The following PDLIM5 variants were observed in gnomAD, a reference collection of about 807,000 sequenced individuals.
PDLIM5 encodes PDZ and LIM domain 5, also known as PDZ and LIM domain protein 5.
In PDLIM5, 34 loss-of-function variants were observed where a neutral mutation model predicts 64.2. The ratio of observed to expected loss-of-function variants is 0.53; its 90% CI spans 0.40 to 0.71. The LOEUF is 0.71. PDLIM5 is among the 30% of genes least tolerant of loss of function. The pLI is 0.00. For missense variants in PDLIM5, 683 were observed against 733.6 expected, an observed-to-expected ratio of 0.93 and a Z score of 0.80; for synonymous variants, 253 against 269.1, an observed-to-expected ratio of 0.94 and a Z score of 0.59.
intron 3 of PDLIM5, among the ~76,000 whole-genome samples, chr4:94,568,634 T>C (rs1352234352): frequency 1.3e-5 from 2 of 150,168 alleles, no homozygotes; most frequent in Admixed American, 1.3e-4. Context: ...AATGGGCAAA[T>C]AATTTTTTTC....
intron 2 of PDLIM5, among the ~76,000 whole-genome samples, chr4:94,475,890 A>G (rs76152737): frequency 2.9e-4 from 44 of 152,286 alleles, no homozygotes; most frequent in Non-Finnish European, 5.9e-4. Flanking sequence ...CATAGCCTCT[A>G]TATTTCAAGA....
At chr4:94,653,204 A>G (rs1386970759) in intron 9 of PDLIM5, among the ~76,000 whole-genome samples, 1 of 152,052 alleles carries the variant, frequency 6.6e-6, no homozygotes, top group Non-Finnish European at 1.5e-5. Context: ...CAGGAAATTC[A>G]ACTTCTGGCC....
chr4:94,640,025 C>T (rs963364968), intron 8 of PDLIM5, among the ~76,000 whole-genome samples: 6 of 148,782 alleles, frequency 4.0e-5, no homozygotes, highest in African/African-American at 1.5e-4. Flanking sequence ...GAAACTCTGT[C>T]TTAAAAAAAA....
In PDLIM5 at chr4:94,455,286, A is replaced by G; in HGVS notation, c.-3A>G. 1 of 1,593,476 alleles carries G rather than the reference A, an allele frequency of 6.3e-7. No homozygotes were observed. Among genetic ancestry groups the G allele is most frequent in the East Asian group, 2.2e-5 (1 of 44,782 alleles). ...TGTCATTGGACTTTGAGCCATTAGA[A>G]CCATGAGCAACTACAGTGTGTCACT... On this transcript the variant is annotated 5_prime_UTR_variant, in exon 2 of 13. Coordinates refer to ENST00000317968, the MANE Select transcript of PDLIM5 (RefSeq NM_006457.5).
At chr4:94,485,420 T>G (rs954755108) in intron 2 of PDLIM5, among the ~76,000 whole-genome samples, 41 of 152,218 alleles carry the variant, frequency 2.7e-4, no homozygotes, top group African/African-American at 9.9e-4. Context: ...GCAATATGAT[T>G]AGTCTATAAA....
At chr4:94,461,896 A>T (rs138505587) in intron 2 of PDLIM5, among the ~76,000 whole-genome samples, 1 of 152,200 alleles carries the variant, frequency 6.6e-6, no homozygotes, top group Non-Finnish European at 1.5e-5. Context: ...AAAAGGCTGC[A>T]GCGTGTCACC....
At chr4:94,573,997 C>T (rs920069903) in intron 4 of PDLIM5, among the ~76,000 whole-genome samples, 2 of 152,168 alleles carry the variant, frequency 1.3e-5, no homozygotes, top group Non-Finnish European at 2.9e-5. Flanking sequence ...TGAACACTGA[C>T]ATGCTCACAT....
At chr4:94,456,449 C>T (rs1290711859) in intron 2 of PDLIM5, 20 of 698,132 alleles carry the variant, frequency 2.9e-5, no homozygotes, top group African/African-American at 1.2e-4. Context: ...CTGCCCACCT[C>T]GGCCTCCCAA....
chr4:94,530,738 C>T (rs1443078187), intron 3 of PDLIM5, among the ~76,000 whole-genome samples: 1 of 152,022 alleles, frequency 6.6e-6, no homozygotes, highest in African/African-American at 2.4e-5. Context: ...TCTTCTTCAT[C>T]CTTCAAACAA....
At chr4:94,455,645 A>T (rs1272547055) in intron 2 of PDLIM5, 1 of 725,380 alleles carries the variant, frequency 1.4e-6, no homozygotes. Context: ...AACAGACTGT[A>T]CATTTTTGAA....
chr4:94,661,807 G>C (rs1046748264), intron 11 of PDLIM5, among the ~76,000 whole-genome samples: 3 of 151,658 alleles, frequency 2.0e-5, no homozygotes, highest in Admixed American at 2.0e-4. Flanking sequence ...ACTGATAACT[G>C]GTCACAGAAC....
At chr4:94,613,293 C>T (rs1019528880) in intron 7 of PDLIM5, among the ~76,000 whole-genome samples, 2 of 152,082 alleles carry the variant, frequency 1.3e-5, no homozygotes, top group Non-Finnish European at 2.9e-5. Flanking sequence ...AAAATTTAAA[C>T]ATGTAATTAG....
At chr4:94,472,576 T>C (rs114892690) in intron 2 of PDLIM5, among the ~76,000 whole-genome samples, 134 of 152,306 alleles carry the variant, frequency 8.8e-4, no homozygotes, top group African/African-American at 3.1e-3. Flanking sequence ...GTACTATTGC[T>C]TTCTAGGTGT....
intron 2 of PDLIM5, among the ~76,000 whole-genome samples, chr4:94,485,266 A>G (rs1726210264): frequency 2.0e-5 from 3 of 152,154 alleles, no homozygotes; most frequent in African/African-American, 2.4e-5. Flanking sequence ...AAATTCTTCT[A>G]TCCTGTTCAC....
chr4:94,610,108 C>G (rs962907849), intron 7 of PDLIM5: 26 of 1,051,430 alleles, frequency 2.5e-5, no homozygotes, highest in Non-Finnish European at 3.4e-5. Context: ...TTATGCTACC[C>G]TTTCTCACTT....
chr4:94,491,293 A>G (rs1726849559), intron 2 of PDLIM5, among the ~76,000 whole-genome samples: 1 of 152,184 alleles, frequency 6.6e-6, no homozygotes, highest in South Asian at 2.1e-4. Context: ...TGATTAAATC[A>G]TTTCTTTCCA....
intron 7 of PDLIM5, among the ~76,000 whole-genome samples, chr4:94,614,822 G>C (rs1350506775): frequency 1.3e-5 from 2 of 152,118 alleles, no homozygotes; most frequent in African/African-American, 4.8e-5. Context: ...TTATTCTGTG[G>C]GAACTTTAAG....
In PDLIM5 at chr4:94,485,689, C is replaced by A. The variant is rs546518285; in HGVS notation, c.96+30305C>A. ...TCTACTAAAAATACAAAAAAAAAAA[C>A]CCCAAAAACCACTAGCCGGGCGTGG... On this transcript the variant is annotated intron_variant, in intron 2 of 12. Transcript: ENST00000317968. Among the ~76,000 whole-genome samples, 164 of 149,016 alleles carry A rather than the reference C, an allele frequency of 1.1e-3. 1 individual carries two copies. Among genetic ancestry groups the A allele is most frequent in the Middle Eastern group, 6.8e-3 (2 of 292 alleles).
intron 3 of PDLIM5, among the ~76,000 whole-genome samples, chr4:94,551,600 C>T (rs1003925975): frequency 2.2e-4 from 33 of 152,060 alleles, no homozygotes; most frequent in Non-Finnish European, 1.5e-5. Context: ...TTCATCTCCC[C>T]AAATAAACGT....
Sources: allele counts gnomAD v4.1 joint callset (sites outside exome capture counted in the v4.1 genomes callset), GRCh38; gene constraint gnomAD v4.1.1; transcripts MANE v1.5; gene names NCBI Gene and HGNC (gene_info 2026-07-23, HGNC 2026-07-21).